The following ABHD12 variants were observed in gnomAD, a reference collection of about 807,000 sequenced individuals.
The protein encoded by ABHD12 is abhydrolase domain containing 12, lysophospholipase.
In ABHD12, 43 loss-of-function variants were observed where a neutral mutation model predicts 58.3. The observed-to-expected ratio is 0.74, with a 90% CI of 0.58 to 0.95. The LOEUF is 0.95. Among genes scored for constraint, ABHD12 ranks in the 40% least tolerant of loss-of-function variants. ABHD12 has a pLI of 0.00. For synonymous variants in ABHD12, 219 were observed against 211.2 expected (o/e 1.04, Z -0.32); for missense variants, 539 against 537.2 (o/e 1.00, Z -0.03).
At chr20:25,378,072 G>A (rs1348471132) in intron 1 of ABHD12, among the ~76,000 whole-genome samples, 8 of 152,096 alleles carry the variant, frequency 5.3e-5, no homozygotes, top group Admixed American at 3.9e-4. Context: ...TGAAATTTTC[G>A]GGGACACATT....
intron 12 of ABHD12, chr20:25,295,142 G>A: frequency 8.9e-7 from 1 of 1,129,630 alleles, no homozygotes; most frequent in South Asian, 1.2e-5. Flanking sequence ...TGGCATTTTT[G>A]TTCAGCACAT....
rs145952499 is a variant in ABHD12, at chr20:25,361,064, G to A, written c.192-21713C>T. On this transcript the variant is annotated intron_variant, in intron 1 of 12. Coordinates refer to ENST00000339157, the MANE Select transcript of ABHD12 (RefSeq NM_001042472.3). ...GGAAGCTGGACACAGGCCAAGGTGA[G>A]CTTAGCAACAAAAGATACAGGGCCC... 8.4e-3 allele frequency among the ~76,000 whole-genome samples: 1,281 copies of A among 152,318 alleles called. 11 individuals carry two copies. Among genetic ancestry groups the A allele is most frequent in the Middle Eastern group, 0.034 (10 of 294 alleles).
intron 1 of ABHD12, among the ~76,000 whole-genome samples, chr20:25,348,462 A>C (rs1301224162): frequency 2.0e-5 from 3 of 151,376 alleles, no homozygotes; most frequent in South Asian, 2.1e-4. Flanking sequence ...AAAAAAAAAA[A>C]AAAAACAAAT....
At chr20:25,354,016 T>G (rs2089636396) in intron 1 of ABHD12, among the ~76,000 whole-genome samples, 1 of 152,176 alleles carries the variant, frequency 6.6e-6, no homozygotes, top group South Asian at 2.1e-4. Context: ...GGTCTTTGTA[T>G]AAACCCAAGG....
chr20:25,306,806 A>G (rs1023423791), intron 10 of ABHD12, 27 bp downstream of exon 10: 6 of 1,528,950 alleles, frequency 3.9e-6, no homozygotes, highest in African/African-American at 1.4e-5. Flanking sequence ...TAAATAGGAA[A>G]ATTAGTTCCT....
At chr20:25,377,188 G>A (rs1026053431) in intron 1 of ABHD12, among the ~76,000 whole-genome samples, 1 of 152,192 alleles carries the variant, frequency 6.6e-6, no homozygotes, top group African/African-American at 2.4e-5. Flanking sequence ...TCCTAGAATG[G>A]CAGTCTTTTT....
chr20:25,335,590 A>G (rs1411014299), intron 2 of ABHD12, among the ~76,000 whole-genome samples: 1 of 131,490 alleles, frequency 7.6e-6, no homozygotes, highest in Non-Finnish European at 1.6e-5. Flanking sequence ...GGATTAAGAA[A>G]ATGTGGCACA....
downstream of ABHD12, chr20:25,296,617 C>T: frequency 6.9e-7 from 1 of 1,452,482 alleles, no homozygotes; most frequent in Non-Finnish European, 9.2e-7. Flanking sequence ...CACTGGTGGT[C>T]CCTGCTTTTC....
intron 12 of ABHD12, among the ~76,000 whole-genome samples, chr20:25,302,009 C>T (rs2088644251): frequency 6.6e-6 from 1 of 152,224 alleles, no homozygotes; most frequent in Non-Finnish European, 1.5e-5. Flanking sequence ...GGAGGCGGCT[C>T]ACCCTGCATG....
At chr20:25,311,249 A>G (rs2088844155) in intron 6 of ABHD12, among the ~76,000 whole-genome samples, 1 of 152,200 alleles carries the variant, frequency 6.6e-6, no homozygotes, top group South Asian at 2.1e-4. Context: ...GATCCTGGAC[A>G]AGCTGGGTGG....
Position 25,322,381 on chromosome 20 carries a change from A to ATATATATATATATATATATTTTTTT in ABHD12, c.422+943_422+944insAAAAAAATATATATATATATATATA. 8.7e-3 allele frequency among the ~76,000 whole-genome samples: 510 copies of ATATATATATATATATATATTTTTTT among 58,738 alleles called. 6 individuals are homozygous for ATATATATATATATATATATTTTTTT. The highest frequency in any genetic ancestry group is 0.01 in the African/African-American group (121 of 11,972). 38.5% of individuals were successfully genotyped at this position (58,738 alleles called of 152,430 possible). A position where few individuals can be genotyped will look rare whatever the true frequency, so the allele number is the denominator to read the frequency against. The stretch of plus-strand genomic sequence containing the variant: ...GGAAAAGATATATATATATATATAT[A>ATATATATATATATATATATTTTTTT]TTTTTTTTTTTTTTTGAGACAAGAG... On this transcript the variant is annotated intron_variant, in intron 3 of 12. Coordinates refer to ENST00000339157, the MANE Select transcript of ABHD12 (RefSeq NM_001042472.3).
chr20:25,321,255 C>T (rs376455366), intron 3 of ABHD12, among the ~76,000 whole-genome samples: 2 of 152,250 alleles, frequency 1.3e-5, no homozygotes, highest in Non-Finnish European at 1.5e-5. Context: ...AGTAGCCAGC[C>T]GCCCCAAACC....
At position 25,334,237 on chromosome 20, in the gene ABHD12, C is replaced by T. The variant is rs907368673; in HGVS notation, c.316+4990G>A. On this transcript the variant is annotated intron_variant, in intron 2 of 12. Coordinates refer to ENST00000339157, the MANE Select transcript of ABHD12 (RefSeq NM_001042472.3). ...AAAGAGAATAAAATACTTAGGAATCCAACTTACAAGGGATGTGAAGGACCT... is the reference window on the plus strand; with the variant it reads ...AAAGAGAATAAAATACTTAGGAATCTAACTTACAAGGGATGTGAAGGACCT... 1.4e-3 allele frequency among the ~76,000 whole-genome samples: 211 copies of T among 151,252 alleles called. 4 individuals carry two copies. Among genetic ancestry groups the T allele is most frequent in the African/African-American group, 4.8e-3 (197 of 40,972 alleles).
At chr20:25,320,070 G>T (rs780828130) in intron 4 of ABHD12, 129 bp downstream of exon 4, 1 of 1,313,782 alleles carries the variant, frequency 7.6e-7, no homozygotes, top group Non-Finnish European at 1.1e-6. Context: ...TCATTGCAGT[G>T]GGTCAGTACA....
Position 25,308,486 on chromosome 20 carries a change from G to C in ABHD12, c.758C>G (p.Thr253Arg), listed in dbSNP as rs772987424. The C allele has an allele frequency of 6.2e-6, 10 of 1,611,406 alleles. No individual in the cohort carries two copies. Among genetic ancestry groups the C allele is most frequent in the Non-Finnish European group, 7.6e-6 (9 of 1,178,846 alleles). Reference sequence around the variant, plus strand: ...CTCACAGAGGCGCCGCACCAGATTTGTCGCCACGCTAGGAAAAAAGAAAAA... The same window carrying C: ...CTCACAGAGGCGCCGCACCAGATTTCTCGCCACGCTAGGAAAAAAGAAAAA... ...WGHSLGTGVA[T>R]NLVRRLCERE... Residue 253 changes from threonine (T) to arginine (R), a missense_variant, in exon 8 of 13, where the codon ACA becomes AGA. Coordinates refer to ENST00000339157, the MANE Select transcript of ABHD12 (RefSeq NM_001042472.3).
chr20:25,365,918 T>C (rs1023045718), intron 1 of ABHD12, among the ~76,000 whole-genome samples: 3 of 152,154 alleles, frequency 2.0e-5, no homozygotes, highest in Non-Finnish European at 4.4e-5. Context: ...TGTGTGCCTA[T>C]ACTCCCAGCT....
intron 1 of ABHD12, among the ~76,000 whole-genome samples, chr20:25,349,859 C>T (rs1406127192): frequency 1.3e-5 from 2 of 152,086 alleles, no homozygotes; most frequent in Non-Finnish European, 2.9e-5. Flanking sequence ...GTATTTAATG[C>T]CACTAAATTA....
In ABHD12 at chr20:25,304,908, A is replaced by T. The variant is rs116903136; in HGVS notation, c.951-1280T>A. Among the ~76,000 whole-genome samples, 35 of 148,546 alleles carry T rather than the reference A, an allele frequency of 2.4e-4. No homozygotes were observed. The East Asian group carries it at 6.5e-3, about 28-fold the overall frequency. On this transcript the variant is annotated intron_variant, in intron 10 of 12. Transcript: ENST00000339157. ...AGAAGGAATCCAGTTCATTCAGATA[A>T]TTCTTTTTTTCTTTTCTTTGTTGCC... is the stretch of plus-strand genomic sequence containing the variant.
intron 1 of ABHD12, 36 bp downstream of exon 1, chr20:25,390,477 G>GGGGGGGGGC: frequency 1.0e-5 from 1 of 98,530 alleles, no homozygotes; most frequent in Non-Finnish European, 1.3e-5. Context: ...TGAGGGACCG[G>GGGGGGGGGC]CCCCCCCCCC....
Sources: allele counts gnomAD v4.1 joint callset (sites outside exome capture counted in the v4.1 genomes callset), GRCh38; gene constraint gnomAD v4.1.1; transcripts MANE v1.5; gene names NCBI Gene and HGNC (gene_info 2026-07-23, HGNC 2026-07-21).